Variants in PUS10 observed in about 807,000 individuals in gnomAD.
The protein encoded by PUS10 is tRNA pseudouridine synthase Pus10.
A neutral mutation model predicts 75.0 loss-of-function variants in PUS10; 59 were observed. The ratio of observed to expected loss-of-function variants is 0.79; its 90% CI spans 0.64 to 0.98. The LOEUF (loss-of-function observed/expected upper bound fraction) is 0.98. PUS10 is among the 50% of genes least tolerant of loss of function. The probability of loss-of-function intolerance (pLI) is 0.00; values close to 1 mark genes in which losing one functional copy is unlikely to be tolerated. For missense variants in PUS10, 650 were observed against 614.4 expected, an observed-to-expected ratio of 1.06 and a Z score of -0.61; for synonymous variants, 219 against 211.6, an observed-to-expected ratio of 1.03 and a Z score of -0.30.
chr2:60,969,697 G>A (rs1275632548), intron 5 of PUS10, among the ~76,000 whole-genome samples: 2 of 152,164 alleles, frequency 1.3e-5, no homozygotes, highest in East Asian at 1.9e-4. Flanking sequence ...GGGACACTGA[G>A]GGAAAAGAAC....
intron 15 of PUS10, among the ~76,000 whole-genome samples, chr2:60,952,206 C>T (rs939623592): frequency 2.0e-5 from 3 of 151,806 alleles, no homozygotes; most frequent in Admixed American, 1.3e-4. Context: ...TGGTGGTGGG[C>T]GCCTATAATC....
chr2:60,983,776 T>C (rs188484291), intron 4 of PUS10, among the ~76,000 whole-genome samples: 196 of 152,076 alleles, frequency 1.3e-3, no homozygotes, highest in Non-Finnish European at 2.1e-3. Context: ...ATATACTGTA[T>C]ATATTTTTAA....
chr2:60,977,545 A>G (rs1280454369), intron 4 of PUS10, among the ~76,000 whole-genome samples: 1 of 152,248 alleles, frequency 6.6e-6, no homozygotes, highest in African/African-American at 2.4e-5. Flanking sequence ...CAATATAACC[A>G]TCATTTTTGT....
At position 60,960,038 on chromosome 2, in the gene PUS10, C is replaced by T. The variant is rs935750006; in HGVS notation, c.1000+354G>A. Reference sequence around the variant, plus strand: ...CTCTAAAAATATGTTAAAAAATAACCGAGCATGGTGGTGCATACCTGTGGT... The same window carrying T: ...CTCTAAAAATATGTTAAAAAATAACTGAGCATGGTGGTGCATACCTGTGGT... On this transcript the variant is annotated intron_variant, in intron 11 of 17. Coordinates refer to ENST00000316752, the MANE Select transcript of PUS10 (RefSeq NM_144709.4). Among the ~76,000 whole-genome samples, 11 of 150,112 alleles carry T rather than the reference C, an allele frequency of 7.3e-5. No homozygotes were observed. In the South Asian group the frequency reaches 8.4e-4, roughly 11 times the overall value.
rs1405796112 is a variant in PUS10, at chr2:61,014,992, A to G, written c.-16+3016T>C. The stretch of plus-strand genomic sequence containing the variant: ...AGTTCAGCAGCCAGGACTACTAAAA[A>G]CAGATTGCCTCTGGCTGAATTCTAA... On this transcript the variant is annotated intron_variant, in intron 1 of 17. Transcript: ENST00000316752. 2.6e-5 allele frequency among the ~76,000 whole-genome samples: 4 copies of G among 152,192 alleles called. No individual in the cohort carries two copies. In the East Asian group the frequency reaches 7.7e-4, roughly 29 times the overall value.
intron 1 of PUS10, among the ~76,000 whole-genome samples, chr2:61,013,108 C>G (rs1679734741): frequency 6.6e-6 from 1 of 151,484 alleles, no homozygotes; most frequent in East Asian, 1.9e-4. Context: ...GAAAAATTAG[C>G]TGGGCATGGT....
intron 8 of PUS10, 135 bp downstream of exon 8, chr2:60,964,923 A>G (rs1354599643): frequency 1.2e-6 from 1 of 807,572 alleles, no homozygotes; most frequent in Non-Finnish European, 2.0e-6. Flanking sequence ...AATGTAGCAA[A>G]TGGAAATATT....
chr2:61,001,292 C>CTTT (rs35762308), intron 4 of PUS10, among the ~76,000 whole-genome samples: 1 of 145,758 alleles, frequency 6.9e-6, no homozygotes, highest in African/African-American at 2.5e-5. Flanking sequence ...GCCACCTCTT[C>CTTT]TTTTTTTTTT....
At chr2:60,968,879 T>C (rs1357642973) in intron 5 of PUS10, among the ~76,000 whole-genome samples, 1 of 152,216 alleles carries the variant, frequency 6.6e-6, no homozygotes, top group African/African-American at 2.4e-5. Context: ...GTGAGCTTCA[T>C]AAACTGTTCC....
At chr2:61,006,521 C>T (rs369480046) in intron 4 of PUS10, 36 bp downstream of exon 4, 5 of 1,410,516 alleles carry the variant, frequency 3.5e-6, no homozygotes, top group African/African-American at 2.8e-5. Flanking sequence ...CTAGCATGCA[C>T]TTCACATACA....
chr2:60,953,126 C>A lies in PUS10; in HGVS notation c.1191-12G>T, dbSNP rs542149861. On this transcript the variant is annotated splice_polypyrimidine_tract_variant and intron_variant, in intron 14 of 17. Transcript: ENST00000316752. ...GTCCTATTGCCTCTCTAAACAAAAA[C>A]AATTTTTAGAAGTTTGTCCAAATAA... The A allele has an allele frequency of 3.0e-5, 42 of 1,415,366 alleles. No individual in the cohort carries two copies. The Admixed American group carries it at 4.4e-4, about 15-fold the overall frequency. The allele number at this position is 1,415,366 out of a possible 1,614,324, so 87.7% of individuals were successfully genotyped here. A position where few individuals can be genotyped will look rare whatever the true frequency, so the allele number is the denominator to read the frequency against.
chr2:60,979,813 A>C (rs562415411), intron 4 of PUS10, among the ~76,000 whole-genome samples: 1 of 152,364 alleles, frequency 6.6e-6, no homozygotes, highest in South Asian at 2.1e-4. Flanking sequence ...AAAAGGTTGA[A>C]GATCTTCTTT....
intron 4 of PUS10, among the ~76,000 whole-genome samples, chr2:60,988,502 T>C (rs926403357): frequency 3.3e-5 from 5 of 152,226 alleles, no homozygotes; most frequent in African/African-American, 1.2e-4. Context: ...GTAATTTGCT[T>C]AATGCAGTAA....
intron 4 of PUS10, among the ~76,000 whole-genome samples, chr2:60,972,398 A>G (rs1481708062): frequency 4.0e-5 from 6 of 151,624 alleles, no homozygotes; most frequent in African/African-American, 1.5e-4. Flanking sequence ...TGAACCCGGG[A>G]GGCGGAGCTT....
intron 4 of PUS10, among the ~76,000 whole-genome samples, chr2:60,991,498 C>T (rs933929658): frequency 3.9e-5 from 6 of 152,066 alleles, no homozygotes; most frequent in African/African-American, 1.4e-4. Flanking sequence ...ACTCTGTCAT[C>T]CAGGATGGAG....
At chr2:61,007,617 A>C (rs1226134746) in intron 3 of PUS10, among the ~76,000 whole-genome samples, 1 of 151,376 alleles carries the variant, frequency 6.6e-6, no homozygotes, top group African/African-American at 2.4e-5. Flanking sequence ...AAAAATACAA[A>C]AATCAGCTGG....
chr2:60,954,282 A>T lies in PUS10; in HGVS notation c.1058-124T>A, dbSNP rs1032874055. The T allele has an allele frequency of 1.5e-5, 12 of 788,752 alleles. No individual in the cohort carries two copies. The African/African-American group carries it at 2.1e-4, about 14-fold the overall frequency. The allele number at this position is 788,752 out of a possible 1,614,324, so 48.9% of individuals were successfully genotyped here. ...TCTAGAGGACTGAAAGTTTAGTGACATGACTACATCTGAGGGAGGGAAGAA... is the reference window on the plus strand; with the variant it reads ...TCTAGAGGACTGAAAGTTTAGTGACTTGACTACATCTGAGGGAGGGAAGAA... On this transcript the variant is annotated intron_variant, in intron 12 of 17. Transcript: ENST00000316752.
At chr2:60,962,326 C>CT (rs1261359974) in intron 9 of PUS10, among the ~76,000 whole-genome samples, 1 of 152,238 alleles carries the variant, frequency 6.6e-6, no homozygotes, top group African/African-American at 2.4e-5. Context: ...AATCCCAGCA[C>CT]TTTGGGAGGC....
intron 11 of PUS10, among the ~76,000 whole-genome samples, chr2:60,955,302 G>GTT (rs1296572558): frequency 6.6e-6 from 1 of 151,860 alleles, no homozygotes; most frequent in African/African-American, 2.4e-5. Context: ...GACTAAAAAT[G>GTT]TTATATATAT....
Sources: allele counts gnomAD v4.1 joint callset (sites outside exome capture counted in the v4.1 genomes callset), GRCh38; gene constraint gnomAD v4.1.1; transcripts MANE v1.5; gene names NCBI Gene and HGNC (gene_info 2026-07-23, HGNC 2026-07-21).